FBXL7: variants seen among roughly 807,000 people sequenced by gnomAD.
The protein encoded by FBXL7 is F-box and leucine rich repeat protein 7, also known as F-box/LRR-repeat protein 7.
Under a neutral mutation model 38.3 loss-of-function variants are expected in FBXL7, and 12 were observed. That is an observed-to-expected ratio of 0.31 (90% confidence interval 0.20 to 0.51). The LOEUF is 0.51. FBXL7 is among the 20% of genes least tolerant of loss of function. The pLI is 0.98. For synonymous variants in FBXL7, 297 were observed against 300.9 expected, an observed-to-expected ratio of 0.99 and a Z score of 0.13; for missense variants, 567 against 676.4, an observed-to-expected ratio of 0.84 and a Z score of 1.79.
chr5:15,518,981 G>A (rs1737022314), intron 1 of FBXL7, among the ~76,000 whole-genome samples: 1 of 152,102 alleles, frequency 6.6e-6, no homozygotes, highest in African/African-American at 2.4e-5. Flanking sequence ...GTCCGGTGAG[G>A]AGGCCAGAAG....
In FBXL7 at chr5:15,898,341, GA is replaced by G. The variant is rs147251809; in HGVS notation, c.128-29545del. 5.1e-3 allele frequency among the ~76,000 whole-genome samples: 775 copies of G among 152,186 alleles called. 4 individuals are homozygous for G. The highest frequency in any genetic ancestry group is 0.018 in the African/African-American group (731 of 41,526). ...CTGTTAATTTACTTGAAAACATGAC[GA>G]AAAGGCCTAAGCAATGGTCACCAAA... On this transcript the variant is annotated intron_variant, in intron 2 of 3. Transcript: ENST00000504595.
intron 2 of FBXL7, among the ~76,000 whole-genome samples, chr5:15,777,063 A>T (rs528022508): frequency 6.6e-5 from 10 of 152,270 alleles, no homozygotes; most frequent in African/African-American, 2.2e-4. Flanking sequence ...AAGATAATTC[A>T]TGTTAAAATA....
At chr5:15,734,763 A>G (rs1462144989) in intron 2 of FBXL7, among the ~76,000 whole-genome samples, 1 of 152,224 alleles carries the variant, frequency 6.6e-6, no homozygotes, top group Non-Finnish European at 1.5e-5. Flanking sequence ...AATTGAAAGC[A>G]TGAGAGAAGT....
In FBXL7 at chr5:15,875,249, C is replaced by T. The variant is rs191310961; in HGVS notation, c.128-52641C>T. Among the ~76,000 whole-genome samples, 47 of 152,152 alleles carry T rather than the reference C, an allele frequency of 3.1e-4. 1 individual carries two copies. The highest frequency in any genetic ancestry group is 3.4e-3 in the Middle Eastern group (1 of 292). On this transcript the variant is annotated intron_variant, in intron 2 of 3. Coordinates refer to ENST00000504595, the MANE Select transcript of FBXL7 (RefSeq NM_012304.5). ...CACTGGACCCCTTCCTTACATCTTA[C>T]GCAAAAATTAACTCCAGATAGATTA... is the stretch of plus-strand genomic sequence containing the variant.
intron 2 of FBXL7, among the ~76,000 whole-genome samples, chr5:15,728,631 A>G (rs1441451911): frequency 4.6e-5 from 7 of 152,170 alleles, no homozygotes; most frequent in Non-Finnish European, 8.8e-5. Context: ...TGTGAAATTG[A>G]TTCTTGCCTA....
intron 1 of FBXL7, among the ~76,000 whole-genome samples, chr5:15,527,630 C>A (rs2126385185): frequency 6.6e-6 from 1 of 152,250 alleles, no homozygotes; most frequent in East Asian, 1.9e-4. Flanking sequence ...AAACTATAAT[C>A]CCTGTAATCT....
intron 2 of FBXL7, among the ~76,000 whole-genome samples, chr5:15,924,317 A>G (rs115807054): frequency 0.012 from 1,769 of 152,352 alleles, 40 homozygotes; most frequent in African/African-American, 0.041. Flanking sequence ...CTTCCATTCA[A>G]TTCAAGATGT....
chr5:15,621,690 G>A (rs1740648881), intron 2 of FBXL7, among the ~76,000 whole-genome samples: 2 of 152,200 alleles, frequency 1.3e-5, no homozygotes, highest in South Asian at 4.1e-4. Flanking sequence ...AAAACTGTCA[G>A]TTTAAAGGTC....
At chr5:15,558,677 A>G (rs1738323472) in intron 1 of FBXL7, among the ~76,000 whole-genome samples, 3 of 152,274 alleles carry the variant, frequency 2.0e-5, no homozygotes, top group Non-Finnish European at 4.4e-5. Context: ...GAGGCCACAT[A>G]TGAAGCCTTT....
intron 2 of FBXL7, among the ~76,000 whole-genome samples, chr5:15,666,449 T>C (rs1742280580): frequency 6.6e-6 from 1 of 152,186 alleles, no homozygotes; most frequent in East Asian, 1.9e-4. Context: ...GTGTCAGCTG[T>C]ACATAGTAAA....
At chr5:15,769,498 T>C (rs1337996163) in intron 2 of FBXL7, among the ~76,000 whole-genome samples, 1 of 152,212 alleles carries the variant, frequency 6.6e-6, no homozygotes, top group Non-Finnish European at 1.5e-5. Context: ...CCCATGCAAA[T>C]GACTGTTAAA....
chr5:15,623,822 A>G (rs1484840898), intron 2 of FBXL7, among the ~76,000 whole-genome samples: 1 of 152,144 alleles, frequency 6.6e-6, no homozygotes, highest in Admixed American at 6.5e-5. Flanking sequence ...TTTCACCATT[A>G]CACTTCTCTT....
intron 2 of FBXL7, among the ~76,000 whole-genome samples, chr5:15,715,217 G>A (rs192404896): frequency 7.2e-5 from 11 of 152,210 alleles, no homozygotes; most frequent in Non-Finnish European, 8.8e-5. Context: ...ACCAGGACAG[G>A]CATGGTGGCT....
chr5:15,708,612 A>G (rs1743762032), intron 2 of FBXL7, among the ~76,000 whole-genome samples: 1 of 152,188 alleles, frequency 6.6e-6, no homozygotes, highest in African/African-American at 2.4e-5. Flanking sequence ...CAACTCTCAG[A>G]TCTCTTAACC....
chr5:15,568,414 A>G (rs916954657), intron 1 of FBXL7, among the ~76,000 whole-genome samples: 25 of 151,800 alleles, frequency 1.6e-4, no homozygotes, highest in East Asian at 3.9e-4. Context: ...GTCTGTTCAT[A>G]TCCTTTGCCC....
In FBXL7 at chr5:15,631,810, G is replaced by A. The variant is rs868695419; in HGVS notation, c.127+15738G>A. On this transcript the variant is annotated intron_variant, in intron 2 of 3. Transcript: ENST00000504595. Reference sequence around the variant, plus strand: ...AATGGCATTTTAAATGGATAGGGGAGAGAAAACTTTATAACACATCCTGGT... The same window carrying A: ...AATGGCATTTTAAATGGATAGGGGAAAGAAAACTTTATAACACATCCTGGT... Among the ~76,000 whole-genome samples the A allele has an allele frequency of 1.1e-4, 17 of 151,926 alleles. No homozygotes were observed. In the South Asian group the frequency reaches 3.5e-3, roughly 32 times the overall value.
intron 2 of FBXL7, among the ~76,000 whole-genome samples, chr5:15,804,584 T>G (rs1737655563): frequency 6.6e-6 from 1 of 151,988 alleles, no homozygotes; most frequent in Non-Finnish European, 1.5e-5. Context: ...AAATCAGGGG[T>G]CCCCAACCCC....
intron 2 of FBXL7, among the ~76,000 whole-genome samples, chr5:15,781,856 G>A (rs1431248943): frequency 2.6e-5 from 4 of 152,086 alleles, no homozygotes; most frequent in African/African-American, 9.7e-5. Context: ...TATACTTTAA[G>A]TTCTGGGATA....
chr5:15,671,882 G>T lies in FBXL7; in HGVS notation c.127+55810G>T, dbSNP rs1335210966. 2.6e-5 allele frequency among the ~76,000 whole-genome samples: 4 copies of T among 152,330 alleles called. No homozygotes were observed. In the East Asian group the frequency reaches 7.7e-4, roughly 29 times the overall value. ...CTCATAAATGGGATATGGGCAGAGA[G>T]AAATATACAACCTTTGAAAGGCATT... is the stretch of plus-strand genomic sequence containing the variant. On this transcript the variant is annotated intron_variant, in intron 2 of 3. Coordinates refer to ENST00000504595, the MANE Select transcript of FBXL7 (RefSeq NM_012304.5).
Sources: gnomAD v4.1 joint callset for allele counts (sites outside exome capture counted in the v4.1 genomes callset) on GRCh38, gnomAD v4.1.1 for gene constraint, MANE v1.5 for transcripts, NCBI Gene and HGNC (gene_info 2026-07-23, HGNC 2026-07-21) for gene names.